The following GRIK3 variants were observed in gnomAD, a reference collection of about 807,000 sequenced individuals.
The protein encoded by GRIK3 is glutamate ionotropic receptor kainate type subunit 3, also known as glutamate receptor ionotropic, kainate 3.
Under a neutral mutation model 102.5 loss-of-function variants are expected in GRIK3, and 29 were observed. The ratio of observed to expected loss-of-function variants is 0.28; its 90% CI spans 0.21 to 0.39. The LOEUF (loss-of-function observed/expected upper bound fraction) is 0.39. GRIK3 is among the 10% of genes least tolerant of loss of function. The pLI is 1.00. For synonymous variants in GRIK3, 511 were observed against 504.9 expected (o/e 1.01, Z -0.16); for missense variants, 908 against 1,252.4 (o/e 0.73, Z 4.15).
intron 2 of GRIK3, among the ~76,000 whole-genome samples, chr1:36,882,257 C>T (rs1640989060): frequency 6.6e-6 from 1 of 152,158 alleles, no homozygotes; most frequent in South Asian, 2.1e-4. Context: ...AATGCCGAAT[C>T]CCTGCCTTCA....
intron 1 of GRIK3, 34 bp downstream of exon 1, chr1:37,033,960 C>T: frequency 8.0e-7 from 1 of 1,254,854 alleles, no homozygotes; most frequent in Non-Finnish European, 1.1e-6. Flanking sequence ...CCCTCCCGGG[C>T]GCACGGAGAC....
chr1:36,887,604 G>C (rs1641054187), intron 2 of GRIK3, among the ~76,000 whole-genome samples: 1 of 151,662 alleles, frequency 6.6e-6, no homozygotes, highest in South Asian at 2.1e-4. Flanking sequence ...AAAATACAAA[G>C]AATCATTTGG....
rs528098328 is a variant in GRIK3 at position 36,969,324 on chromosome 1, C to T, written c.115+64670G>A. Among the ~76,000 whole-genome samples, 47 of 152,258 alleles carry T rather than the reference C, an allele frequency of 3.1e-4. No homozygotes were observed. In the South Asian group the frequency reaches 8.3e-3, roughly 27 times the overall value. ...CTCTCTCCATTCTGAGAACAGTGAA[C>T]GTTTAATAAGGAGACGGGGCCCATA... On this transcript the variant is annotated intron_variant, in intron 1 of 15. Coordinates refer to ENST00000373091, the MANE Select transcript of GRIK3 (RefSeq NM_000831.4).
At chr1:36,954,185 C>T (rs1401841916) in intron 1 of GRIK3, among the ~76,000 whole-genome samples, 1 of 152,192 alleles carries the variant, frequency 6.6e-6, no homozygotes, top group Non-Finnish European at 1.5e-5. Context: ...GGGGGGCATT[C>T]CTGTTGGGAA....
At chr1:36,831,153 C>G (rs1009089683) in intron 10 of GRIK3, among the ~76,000 whole-genome samples, 1 of 152,206 alleles carries the variant, frequency 6.6e-6, no homozygotes, top group Admixed American at 6.5e-5. Flanking sequence ...GTCCCCACCC[C>G]AGCACCTGTC....
chr1:36,927,630 TAGAG>T (rs1641542060), intron 1 of GRIK3, among the ~76,000 whole-genome samples: 1 of 151,614 alleles, frequency 6.6e-6, no homozygotes, highest in Non-Finnish European at 1.5e-5. Context: ...AAAAGTAAGA[TAGAG>T]GGAAAAAAGA....
intron 1 of GRIK3, among the ~76,000 whole-genome samples, chr1:36,964,496 C>T (rs1403822014): frequency 6.6e-6 from 1 of 152,194 alleles, no homozygotes; most frequent in Non-Finnish European, 1.5e-5. Context: ...ACATCTCTGC[C>T]CTTCTGATAA....
chr1:36,822,289 T>C (rs1476794185), intron 11 of GRIK3, among the ~76,000 whole-genome samples: 1 of 152,202 alleles, frequency 6.6e-6, no homozygotes, highest in Non-Finnish European at 1.5e-5. Flanking sequence ...CTGCTTATCA[T>C]GATAAAAATA....
chr1:36,911,724 C>T (rs1323067972), intron 1 of GRIK3, among the ~76,000 whole-genome samples: 1 of 152,026 alleles, frequency 6.6e-6, no homozygotes, highest in Non-Finnish European at 1.5e-5. Context: ...CTTGTGCTGC[C>T]CAGAGACCCT....
At chr1:36,854,961 C>A (rs74064789) in intron 7 of GRIK3, among the ~76,000 whole-genome samples, 1 of 152,200 alleles carries the variant, frequency 6.6e-6, no homozygotes, top group Non-Finnish European at 1.5e-5. Flanking sequence ...CAGGACCCCT[C>A]GGTCTGGACC....
intron 15 of GRIK3, 42 bp downstream of exon 15, chr1:36,804,945 T>A: frequency 6.2e-7 from 1 of 1,605,754 alleles, no homozygotes; most frequent in Non-Finnish European, 8.5e-7. Context: ...AGCGCGAATC[T>A]CCATTTCCCA....
At chr1:36,904,684 A>C (rs137885292) in intron 1 of GRIK3, among the ~76,000 whole-genome samples, 1 of 152,350 alleles carries the variant, frequency 6.6e-6, no homozygotes, top group Non-Finnish European at 1.5e-5. Flanking sequence ...AGGCATTATC[A>C]ATCAAAGCAT....
At chr1:36,860,507 C>T (rs555963552) in intron 5 of GRIK3, among the ~76,000 whole-genome samples, 11 of 152,318 alleles carry the variant, frequency 7.2e-5, no homozygotes, top group African/African-American at 2.4e-4. Context: ...CCTCTTCTCT[C>T]CCCCTTTTCC....
intron 9 of GRIK3, among the ~76,000 whole-genome samples, chr1:36,844,778 T>C (rs1640501073): frequency 6.6e-6 from 1 of 152,198 alleles, no homozygotes; most frequent in Non-Finnish European, 1.5e-5. Context: ...ATCCTTATCT[T>C]TTTCTTGTAT....
intron 1 of GRIK3, among the ~76,000 whole-genome samples, chr1:36,975,539 C>T (rs1195329842): frequency 6.6e-6 from 1 of 152,172 alleles, no homozygotes; most frequent in Non-Finnish European, 1.5e-5. Flanking sequence ...CGTGATCTCC[C>T]GCCTTGGCCT....
chr1:36,816,877 T>G (rs1168498364), intron 13 of GRIK3, among the ~76,000 whole-genome samples, 183 bp downstream of exon 13: 1 of 152,204 alleles, frequency 6.6e-6, no homozygotes. Flanking sequence ...GCCAACCCAG[T>G]TGGCCCACAT....
At position 36,850,184 on chromosome 1, in the gene GRIK3, C is replaced by T. The variant is rs1640565121; in HGVS notation, c.1326+127G>A. The T allele has an allele frequency of 1.5e-6, 1 of 650,732 alleles. No individual in the cohort carries two copies. The highest frequency in any genetic ancestry group is 1.8e-5 in the South Asian group (1 of 55,772). The allele number at this position is 650,732 out of a possible 1,614,324, so 40.3% of individuals were successfully genotyped here. A position where few individuals can be genotyped will look rare whatever the true frequency, so the allele number is the denominator to read the frequency against. ...GCTCTCTGAGAACTTCCTGCTGACT[C>T]TAAAAGTCTCCACCTACCTGCAGCC... On this transcript the variant is annotated intron_variant, in intron 9 of 15. Coordinates refer to ENST00000373091, the MANE Select transcript of GRIK3 (RefSeq NM_000831.4). The surrounding 1 kb of genome is among the most constrained non-coding windows in gnomAD (Gnocchi z 4.0).
At chr1:36,809,191 A>G (rs1379066909) in intron 13 of GRIK3, among the ~76,000 whole-genome samples, 1 of 151,520 alleles carries the variant, frequency 6.6e-6, no homozygotes, top group Admixed American at 6.6e-5. Flanking sequence ...CCACCCATCC[A>G]TCCACCCATC....
chr1:36,939,577 A>G (rs1289102104), intron 1 of GRIK3, among the ~76,000 whole-genome samples: 1 of 152,252 alleles, frequency 6.6e-6, no homozygotes, highest in African/African-American at 2.4e-5. Context: ...CCTAAGGAAG[A>G]AAAAGCAGAA....
Sources: allele counts gnomAD v4.1 joint callset (sites outside exome capture counted in the v4.1 genomes callset), GRCh38; gene constraint gnomAD v4.1.1; non-coding constraint Gnocchi (gnomAD v3.1); transcripts MANE v1.5; gene names NCBI Gene and HGNC (gene_info 2026-07-23, HGNC 2026-07-21).